The following ATXN7L1 variants were observed in gnomAD, a reference collection of about 807,000 sequenced individuals.
The protein encoded by ATXN7L1 is ataxin-7-like protein 1.
ATXN7L1 carries 15 observed loss-of-function variants against 70.8 expected under a neutral mutation model. That is an observed-to-expected ratio of 0.21 (90% CI 0.14 to 0.33). The LOEUF is 0.33. ATXN7L1 is among the 10% of genes least tolerant of loss of function. The pLI, the probability that ATXN7L1 is intolerant of heterozygous loss-of-function variation, is 1.00. For synonymous variants in ATXN7L1, 440 were observed against 445.1 expected, an observed-to-expected ratio of 0.99 and a Z score of 0.14; for missense variants, 975 against 1,097.1, an observed-to-expected ratio of 0.89 and a Z score of 1.57.
chr7:105,851,379 G>C (rs1049045951), intron 2 of ATXN7L1, among the ~76,000 whole-genome samples: 1 of 152,194 alleles, frequency 6.6e-6, no homozygotes, highest in African/African-American at 2.4e-5. Flanking sequence ...TATACGCAGA[G>C]ATGGGACTGA....
intron 3 of ATXN7L1, among the ~76,000 whole-genome samples, chr7:105,693,526 T>G (rs1791288238): frequency 6.7e-6 from 1 of 149,266 alleles, no homozygotes; most frequent in Admixed American, 6.7e-5. Context: ...TGGACTTAAA[T>G]CTAATGCCCC....
intron 2 of ATXN7L1, among the ~76,000 whole-genome samples, chr7:105,814,876 G>A (rs1227745377): frequency 6.6e-6 from 1 of 152,154 alleles, no homozygotes; most frequent in East Asian, 1.9e-4. Context: ...TTCCTCCTGG[G>A]GCTTTGTATT....
intron 3 of ATXN7L1, among the ~76,000 whole-genome samples, chr7:105,757,136 T>G (rs1001647352): frequency 1.3e-5 from 2 of 152,144 alleles, no homozygotes; most frequent in Non-Finnish European, 2.9e-5. Context: ...GGCGAGGGCC[T>G]AAATGAGCAC....
intron 3 of ATXN7L1, among the ~76,000 whole-genome samples, chr7:105,711,106 G>C (rs1158202236): frequency 6.6e-6 from 1 of 152,148 alleles, no homozygotes; most frequent in African/African-American, 2.4e-5. Flanking sequence ...GACATGTGGG[G>C]ATTATTACAA....
At chr7:105,767,156 C>T (rs1801380213) in intron 3 of ATXN7L1, among the ~76,000 whole-genome samples, 2 of 152,106 alleles carry the variant, frequency 1.3e-5, no homozygotes, top group East Asian at 3.9e-4. Context: ...CAGTAAATGA[C>T]CCTAGAAAAG....
chr7:105,844,229 A>G (rs908120365), intron 2 of ATXN7L1, among the ~76,000 whole-genome samples: 3 of 152,212 alleles, frequency 2.0e-5, no homozygotes, highest in Admixed American at 1.3e-4. Flanking sequence ...AGACTGAGTC[A>G]CAAGGAACAC....
chr7:105,624,649 C>CGT (rs1795423055), intron 7 of ATXN7L1, among the ~76,000 whole-genome samples: 1 of 114,962 alleles, frequency 8.7e-6, no homozygotes, highest in African/African-American at 3.4e-5. Flanking sequence ...GACTCTGTCT[C>CGT]AAAAAAAAAA....
chr7:105,654,140 A>G (rs1760407798), intron 4 of ATXN7L1, among the ~76,000 whole-genome samples: 1 of 152,240 alleles, frequency 6.6e-6, no homozygotes, highest in Non-Finnish European at 1.5e-5. Flanking sequence ...TGTTTGATGA[A>G]TGAATTAATG....
At chr7:105,772,982 C>T (rs541188699) in intron 3 of ATXN7L1, among the ~76,000 whole-genome samples, 1 of 152,250 alleles carries the variant, frequency 6.6e-6, no homozygotes, top group South Asian at 2.1e-4. Flanking sequence ...AATGGATAAC[C>T]TATAACTAAT....
At chr7:105,673,372 C>T (rs1244682059) in intron 3 of ATXN7L1, among the ~76,000 whole-genome samples, 2 of 152,202 alleles carry the variant, frequency 1.3e-5, no homozygotes, top group African/African-American at 4.8e-5. Context: ...TCCAATATGG[C>T]TTTTAAGGGA....
rs71562672 is a variant in ATXN7L1 at position 105,683,343 on chromosome 7, G to A, written c.356-18055C>T. On this transcript the variant is annotated intron_variant, in intron 3 of 11. Coordinates refer to ENST00000419735, the MANE Select transcript of ATXN7L1 (RefSeq NM_020725.2). ...GTTGTGGTGCTTTGTTACTCTTTAG[G>A]GGGTGTTGTTTTGGTTTTAGTGCCC... is the stretch of plus-strand genomic sequence containing the variant. Among the ~76,000 whole-genome samples the A allele has an allele frequency of 7.4e-3, 1,127 of 152,092 alleles. 14 individuals carry two copies. The highest frequency in any genetic ancestry group is 0.011 in the Non-Finnish European group (725 of 67,982).
intron 3 of ATXN7L1, among the ~76,000 whole-genome samples, chr7:105,770,191 A>G (rs1046221133): frequency 3.9e-5 from 6 of 152,364 alleles, no homozygotes; most frequent in African/African-American, 1.2e-4. Context: ...AGACAATTCA[A>G]TATTCATAAA....
intron 1 of ATXN7L1, among the ~76,000 whole-genome samples, chr7:105,876,117 G>A (rs1819245174): frequency 6.6e-6 from 1 of 152,092 alleles, no homozygotes; most frequent in South Asian, 2.1e-4. Context: ...CTTTTAAACG[G>A]ACAACACCGT....
At chr7:105,621,918 A>G (rs112036228) in intron 8 of ATXN7L1, among the ~76,000 whole-genome samples, 1 of 152,150 alleles carries the variant, frequency 6.6e-6, no homozygotes, top group Admixed American at 6.5e-5. Context: ...TTAAAATCTT[A>G]TCACCCATCA....
chr7:105,669,599 C>T (rs35252555), intron 3 of ATXN7L1, among the ~76,000 whole-genome samples: 1 of 152,046 alleles, frequency 6.6e-6, no homozygotes, highest in African/African-American at 2.4e-5. Flanking sequence ...ACAAGCTTGT[C>T]CCCTACCAGT....
intron 2 of ATXN7L1, among the ~76,000 whole-genome samples, 171 bp from the exon 3 acceptor site, chr7:105,788,879 T>C (rs1804713938): frequency 6.6e-6 from 1 of 152,180 alleles, no homozygotes; most frequent in Admixed American, 6.5e-5. Flanking sequence ...CCCCGCCTCT[T>C]AGAGAAGCAA....
At chr7:105,675,543 T>C (rs1172408105) in intron 3 of ATXN7L1, among the ~76,000 whole-genome samples, 4 of 151,916 alleles carry the variant, frequency 2.6e-5, no homozygotes, top group Admixed American at 1.3e-4. Context: ...GAGGATTGCT[T>C]GAACCTGGGA....
At chr7:105,672,025 C>T (rs1317790791) in intron 3 of ATXN7L1, among the ~76,000 whole-genome samples, 2 of 151,580 alleles carry the variant, frequency 1.3e-5, no homozygotes, top group South Asian at 2.1e-4. Flanking sequence ...TGGTGGCTCA[C>T]GCTTGTAATT....
intron 3 of ATXN7L1, among the ~76,000 whole-genome samples, chr7:105,722,756 G>T: frequency 6.6e-6 from 1 of 151,554 alleles, no homozygotes; most frequent in Admixed American, 6.6e-5. Flanking sequence ...GTGGTGGCAT[G>T]TGCCTGTAAT....
Sources: gnomAD v4.1 joint callset for allele counts (sites outside exome capture counted in the v4.1 genomes callset) on GRCh38, gnomAD v4.1.1 for gene constraint, MANE v1.5 for transcripts, NCBI Gene and HGNC (gene_info 2026-07-23, HGNC 2026-07-21) for gene names.